The following MALRD1 variants were observed in gnomAD, a reference collection of about 807,000 sequenced individuals.
MALRD1 encodes the protein MAM and LDL receptor class A domain containing 1.
MALRD1 carries 247 observed loss-of-function variants against 242.1 expected under a neutral mutation model. That is an observed-to-expected ratio of 1.02 (90% CI 0.92 to 1.13). MALRD1 has a LOEUF of 1.13. Among genes scored for constraint, MALRD1 ranks in the 50% most tolerant of loss-of-function variants. The pLI is 0.00. For missense variants in MALRD1, 2,989 were observed against 2,533.1 expected, an observed-to-expected ratio of 1.18 and a Z score of -3.86; for synonymous variants, 995 against 866.6, an observed-to-expected ratio of 1.15 and a Z score of -2.60.
intron 19 of MALRD1, among the ~76,000 whole-genome samples, chr10:19,263,478 T>C (rs1839842220): frequency 6.6e-6 from 1 of 151,880 alleles, no homozygotes; most frequent in East Asian, 2.0e-4. Context: ...CCTCTTAAAA[T>C]TGGATTATTT....
intron 21 of MALRD1, among the ~76,000 whole-genome samples, chr10:19,298,903 TG>T: frequency 6.6e-6 from 1 of 151,956 alleles, no homozygotes; most frequent in South Asian, 2.1e-4. Context: ...TCAAATCCTT[TG>T]CGTAGTTCCA....
intron 4 of MALRD1, among the ~76,000 whole-genome samples, chr10:19,101,741 C>G (rs1564391978): frequency 7.4e-6 from 1 of 134,566 alleles, no homozygotes; most frequent in African/African-American, 2.7e-5. Flanking sequence ...CATTATATCA[C>G]ATATATAATA....
intron 29 of MALRD1, among the ~76,000 whole-genome samples, chr10:19,478,247 A>G (rs894146969): frequency 6.6e-6 from 1 of 152,238 alleles, no homozygotes; most frequent in African/African-American, 2.4e-5. Context: ...AGCAAAAGCT[A>G]TCTGAACAAA....
At chr10:19,382,174 C>T (rs1055725245) in intron 26 of MALRD1, among the ~76,000 whole-genome samples, 1 of 152,144 alleles carries the variant, frequency 6.6e-6, no homozygotes, top group Non-Finnish European at 1.5e-5. Flanking sequence ...CTTCATTGTG[C>T]TAAGAAATTC....
intron 33 of MALRD1, among the ~76,000 whole-genome samples, chr10:19,571,159 C>G (rs969609130): frequency 3.3e-4 from 50 of 152,072 alleles, no homozygotes; most frequent in African/African-American, 1.2e-3. Context: ...TCTTACTTGC[C>G]AAAGTTAAGG....
intron 2 of MALRD1, among the ~76,000 whole-genome samples, chr10:19,073,265 TTAAAA>T (rs1298351660): frequency 6.6e-6 from 1 of 152,102 alleles, no homozygotes; most frequent in Non-Finnish European, 1.5e-5. Flanking sequence ...AGTAAAAATA[TTAAAA>T]TAAAAATGTA....
intron 18 of MALRD1, among the ~76,000 whole-genome samples, chr10:19,238,573 T>TG (rs1564493070): frequency 1.4e-4 from 17 of 118,416 alleles, no homozygotes; most frequent in African/African-American, 5.6e-4. Flanking sequence ...ATAATATACA[T>TG]AATGTATATT....
intron 19 of MALRD1, among the ~76,000 whole-genome samples, chr10:19,270,122 C>T (rs1350860625): frequency 6.6e-6 from 1 of 152,088 alleles, no homozygotes; most frequent in African/African-American, 2.4e-5. Flanking sequence ...TGAGACCAGC[C>T]TGGCCAACAC....
At chr10:19,475,270 C>T (rs1836678586) in intron 29 of MALRD1, among the ~76,000 whole-genome samples, 1 of 152,082 alleles carries the variant, frequency 6.6e-6, no homozygotes, top group Admixed American at 6.6e-5. Flanking sequence ...AAAAAATTAG[C>T]CAGGCGTGGT....
At chr10:19,175,483 T>TATATA (rs199565400) in intron 14 of MALRD1, among the ~76,000 whole-genome samples, 155 bp downstream of exon 14, 4 of 148,038 alleles carry the variant, frequency 2.7e-5, no homozygotes, top group Non-Finnish European at 6.0e-5. Context: ...TATATATATA[T>TATATA]TTTAAAAGGT....
chr10:19,284,266 T>G (rs1840982671), intron 21 of MALRD1, among the ~76,000 whole-genome samples: 1 of 151,912 alleles, frequency 6.6e-6, no homozygotes, highest in Admixed American at 6.6e-5. Flanking sequence ...TTTTTTTCAT[T>G]ATACTTTAAG....
At position 19,708,426 on chromosome 10, in the gene MALRD1, C is replaced by T. The variant is rs1244010261; in HGVS notation, c.6314+15872C>T. Among the ~76,000 whole-genome samples, 3 of 112,024 alleles carry T rather than the reference C, an allele frequency of 2.7e-5. 1 individual carries two copies. Among genetic ancestry groups the T allele is most frequent in the Non-Finnish European group, 6.0e-5 (3 of 49,892 alleles). The allele number at this position is 112,024 out of a possible 152,430, so 73.5% of individuals were successfully genotyped here. A position where few individuals can be genotyped will look rare whatever the true frequency, so the allele number is the denominator to read the frequency against. On this transcript the variant is annotated intron_variant, in intron 38 of 39. Transcript: ENST00000454679. ...AATCATGGTTCACTGCAGCCTCAAGCTCCCAGGCTCAAGTAATTCTCCCAT... is the reference window on the plus strand; with the variant it reads ...AATCATGGTTCACTGCAGCCTCAAGTTCCCAGGCTCAAGTAATTCTCCCAT...
At chr10:19,476,128 G>T (rs1836718053) in intron 29 of MALRD1, among the ~76,000 whole-genome samples, 1 of 152,138 alleles carries the variant, frequency 6.6e-6, no homozygotes, top group South Asian at 2.1e-4. Flanking sequence ...GAAAAGTGAA[G>T]AAACAATTGT....
intron 28 of MALRD1, among the ~76,000 whole-genome samples, chr10:19,443,408 A>T (rs564175020): frequency 6.6e-6 from 1 of 152,146 alleles, no homozygotes; most frequent in South Asian, 2.1e-4. Context: ...TTTAATTGCA[A>T]TGTTAGGGTG....
intron 36 of MALRD1, among the ~76,000 whole-genome samples, chr10:19,673,480 A>C (rs565081514): frequency 1.1e-4 from 17 of 152,344 alleles, no homozygotes; most frequent in African/African-American, 3.8e-4. Context: ...ATGCTGCAGC[A>C]CCATATACTC....
At chr10:19,468,401 A>G (rs991364564) in intron 29 of MALRD1, among the ~76,000 whole-genome samples, 1 of 152,164 alleles carries the variant, frequency 6.6e-6, no homozygotes, top group African/African-American at 2.4e-5. Flanking sequence ...AAAGAAAACA[A>G]AAAAGAAATG....
At chr10:19,530,441 A>ATG (rs377632866) in intron 31 of MALRD1, among the ~76,000 whole-genome samples, 11,218 of 43,784 alleles carry the variant, frequency 0.26, 2,332 homozygotes, top group Non-Finnish European at 0.41. Flanking sequence ...TATATATAAT[A>ATG]TATAATATAT....
intron 14 of MALRD1, among the ~76,000 whole-genome samples, chr10:19,196,308 G>A (rs1017891572): frequency 6.6e-6 from 1 of 151,810 alleles, no homozygotes; most frequent in Admixed American, 6.6e-5. Context: ...TTACTCAAAA[G>A]AATTCACTGT....
chr10:19,732,421 C>A (rs937101209), intron 39 of MALRD1, among the ~76,000 whole-genome samples: 2 of 152,072 alleles, frequency 1.3e-5, no homozygotes, highest in African/African-American at 4.8e-5. Flanking sequence ...TGCCACCATG[C>A]CCAGCTAATT....
Sources: gnomAD v4.1 joint callset for allele counts (sites outside exome capture counted in the v4.1 genomes callset) on GRCh38, gnomAD v4.1.1 for gene constraint, MANE v1.5 for transcripts, NCBI Gene and HGNC (gene_info 2026-07-23, HGNC 2026-07-21) for gene names.